Variants in SYT1 observed in about 807,000 individuals in gnomAD.
SYT1 encodes the protein synaptotagmin-1.
In SYT1, 8 loss-of-function variants were observed where a neutral mutation model predicts 44.8. That is an observed-to-expected ratio of 0.18 (90% confidence interval 0.10 to 0.32). The LOEUF (loss-of-function observed/expected upper bound fraction) is 0.32. Ranked by LOEUF, SYT1 falls within the 10% of genes least tolerant of loss-of-function variation. The probability of loss-of-function intolerance (pLI) is 1.00; values close to 1 mark genes in which losing one functional copy is unlikely to be tolerated. For missense variants in SYT1, 286 were observed against 509.3 expected (o/e 0.56, Z 4.22); for synonymous variants, 154 against 188.8 (o/e 0.82, Z 1.51).
At chr12:79,284,501 G>A (rs1007173516) in intron 4 of SYT1, among the ~76,000 whole-genome samples, 7 of 151,622 alleles carry the variant, frequency 4.6e-5, no homozygotes, top group Non-Finnish European at 2.9e-5. Flanking sequence ...CATATGTCCT[G>A]AGCTCTCTGC....
At chr12:78,961,374 G>T (rs1381576299) in intron 1 of SYT1, among the ~76,000 whole-genome samples, 1 of 152,020 alleles carries the variant, frequency 6.6e-6, no homozygotes, top group East Asian at 1.9e-4. Flanking sequence ...CTCCTAAACT[G>T]CTGGGACTAC....
chr12:79,036,656 A>G (rs981262037), intron 2 of SYT1: 1 of 151,886 alleles, frequency 6.6e-6, no homozygotes, highest in Non-Finnish European at 1.5e-5. Context: ...CATGCATACA[A>G]AAACCATAAA....
chr12:79,390,229 G>A (rs144087718), intron 9 of SYT1, among the ~76,000 whole-genome samples: 1,601 of 152,084 alleles, frequency 0.011, 24 homozygotes, highest in South Asian at 0.043. Flanking sequence ...CACCGCGCCC[G>A]GCCTCCAATA....
At chr12:79,348,920 G>A (rs1210042204) in intron 8 of SYT1, among the ~76,000 whole-genome samples, 14 of 107,596 alleles carry the variant, frequency 1.3e-4, no homozygotes, top group African/African-American at 4.8e-4. Flanking sequence ...AGGAAGAAAG[G>A]AAAAAAGAAA....
chr12:78,973,852 A>G (rs1868551986), intron 1 of SYT1, among the ~76,000 whole-genome samples: 1 of 145,372 alleles, frequency 6.9e-6, no homozygotes. Flanking sequence ...AACCAAACTG[A>G]AAAAAAAATT....
rs138548193 is a variant in SYT1, at chr12:79,024,944, T to C, written c.-83-22353T>C. Reference sequence around the variant, plus strand: ...AGGATAGCAGGTACTTTATGCTGCATTTATTGTGACCTTTGATAGTCTAAA... The same window carrying C: ...AGGATAGCAGGTACTTTATGCTGCACTTATTGTGACCTTTGATAGTCTAAA... On this transcript the variant is annotated intron_variant, in intron 2 of 10. Coordinates refer to ENST00000261205, the MANE Select transcript of SYT1 (RefSeq NM_005639.3). 7.0e-4 allele frequency among the ~76,000 whole-genome samples: 106 copies of C among 151,942 alleles called. 1 individual carries two copies. In the East Asian group the frequency reaches 0.011, roughly 15 times the overall value.
intron 3 of SYT1, among the ~76,000 whole-genome samples, chr12:79,057,391 T>C (rs1875036097): frequency 6.6e-6 from 1 of 151,898 alleles, no homozygotes; most frequent in Non-Finnish European, 1.5e-5. Flanking sequence ...CATTGGTTTC[T>C]AACTCATATG....
chr12:79,337,936 T>A (rs913108091), intron 8 of SYT1, among the ~76,000 whole-genome samples: 2 of 152,158 alleles, frequency 1.3e-5, no homozygotes, highest in Admixed American at 1.3e-4. Flanking sequence ...CAAAGTCAGG[T>A]GAGGACAGGA....
At chr12:78,915,575 G>C (rs752659394) in intron 1 of SYT1, among the ~76,000 whole-genome samples, 10 of 151,868 alleles carry the variant, frequency 6.6e-5, no homozygotes, top group Admixed American at 1.3e-4. Context: ...CAAAAAGTTT[G>C]TCTTATATAT....
chr12:79,014,605 C>T (rs1871671547), intron 2 of SYT1, among the ~76,000 whole-genome samples: 1 of 152,208 alleles, frequency 6.6e-6, no homozygotes, highest in East Asian at 1.9e-4. Flanking sequence ...CACTTTTACA[C>T]TGTTGGTGGG....
intron 9 of SYT1, among the ~76,000 whole-genome samples, chr12:79,432,833 C>T (rs1037958705): frequency 2.0e-5 from 3 of 152,052 alleles, no homozygotes; most frequent in South Asian, 2.1e-4. Context: ...AGGCTGGTTT[C>T]GAACTCTTGA....
intron 9 of SYT1, among the ~76,000 whole-genome samples, chr12:79,425,197 C>T (rs190104909): frequency 2.5e-3 from 375 of 152,108 alleles, no homozygotes; most frequent in African/African-American, 8.6e-3. Flanking sequence ...TCCTTCCACC[C>T]ACTGTCACTT....
At chr12:79,030,451 A>G (rs1767754079) in intron 2 of SYT1, among the ~76,000 whole-genome samples, 1 of 151,204 alleles carries the variant, frequency 6.6e-6, no homozygotes, top group Admixed American at 6.6e-5. Flanking sequence ...ATCAAAACGC[A>G]TAGAAAGAAT....
chr12:79,312,476 C>T (rs1375695066), intron 8 of SYT1, among the ~76,000 whole-genome samples: 1 of 152,072 alleles, frequency 6.6e-6, no homozygotes, highest in East Asian at 1.9e-4. Context: ...TCCCACTCCC[C>T]CACACTGGAT....
intron 1 of SYT1, among the ~76,000 whole-genome samples, chr12:78,923,292 A>G (rs895770519): frequency 1.3e-5 from 2 of 151,998 alleles, no homozygotes; most frequent in African/African-American, 2.4e-5. Flanking sequence ...TGCACATGCC[A>G]GCACTTATTG....
intron 1 of SYT1, among the ~76,000 whole-genome samples, chr12:78,950,188 G>T (rs1878887383): frequency 6.6e-6 from 1 of 151,892 alleles, no homozygotes; most frequent in Admixed American, 6.6e-5. Context: ...ATAACATTTT[G>T]CTATAGACTA....
chr12:79,208,513 A>G (rs924410558), intron 3 of SYT1, among the ~76,000 whole-genome samples: 8 of 152,234 alleles, frequency 5.3e-5, no homozygotes, highest in African/African-American at 1.9e-4. Context: ...TTATAAGAGG[A>G]AATGGAGACT....
At chr12:79,117,092 C>T (rs899485775) in intron 3 of SYT1, among the ~76,000 whole-genome samples, 1 of 152,128 alleles carries the variant, frequency 6.6e-6, no homozygotes. Flanking sequence ...AGTCCTGTTA[C>T]TGGAGAGATT....
chr12:78,899,995 T>C (rs1875573488), intron 1 of SYT1, among the ~76,000 whole-genome samples: 1 of 152,086 alleles, frequency 6.6e-6, no homozygotes, highest in Non-Finnish European at 1.5e-5. Context: ...AGACTCCTTA[T>C]TGAAAGTAAA....
Sources: allele counts gnomAD v4.1 joint callset (sites outside exome capture counted in the v4.1 genomes callset), GRCh38; gene constraint gnomAD v4.1.1; transcripts MANE v1.5; gene names NCBI Gene and HGNC (gene_info 2026-07-23, HGNC 2026-07-21).